Variants in LINGO2 observed in about 807,000 individuals in gnomAD.
LINGO2 encodes leucine rich repeat and Ig domain containing 2, also known as leucine-rich repeat and immunoglobulin-like domain-containing nogo receptor-interacting protein 2.
LINGO2 carries 14 observed loss-of-function variants against 30.6 expected under a neutral mutation model. The observed-to-expected ratio is 0.46, with a 90% CI of 0.30 to 0.72. LINGO2 has a LOEUF of 0.72. LINGO2 is among the 30% of genes least tolerant of loss of function. The pLI is 0.07. For missense variants in LINGO2, 729 were observed against 751.7 expected (o/e 0.97, Z 0.35); for synonymous variants, 317 against 288.5 (o/e 1.10, Z -1.00).
intron 5 of LINGO2, among the ~76,000 whole-genome samples, chr9:27,987,621 T>C (rs1169778847): frequency 2.0e-5 from 3 of 151,932 alleles, no homozygotes; most frequent in Non-Finnish European, 4.4e-5. Flanking sequence ...CATCTCACTA[T>C]GGTCAACTAT....
chr9:27,944,023 C>T (rs957312888), downstream of LINGO2: 17 of 152,060 alleles, frequency 1.1e-4, no homozygotes, highest in Admixed American at 6.5e-5. Context: ...AACATCAGCC[C>T]CAATCCTATT....
At chr9:28,362,237 C>T (rs887873960) in intron 3 of LINGO2, among the ~76,000 whole-genome samples, 8 of 150,214 alleles carry the variant, frequency 5.3e-5, no homozygotes, top group Non-Finnish European at 7.4e-5. Context: ...TGTGCGCATG[C>T]GCATGTGTGT....
At chr9:29,197,826 T>C in the LINGO2 span, among the ~76,000 whole-genome samples, 1 of 152,084 alleles carries the variant, frequency 6.6e-6, no homozygotes, top group Non-Finnish European at 1.5e-5. Flanking sequence ...GTACAGTAAC[T>C]GACAGCAACA....
At chr9:28,985,934 G>A in the LINGO2 span, among the ~76,000 whole-genome samples, 1 of 152,022 alleles carries the variant, frequency 6.6e-6, no homozygotes, top group Non-Finnish European at 1.5e-5. Flanking sequence ...AAAAGTTACT[G>A]CCCAGACCAA....
At chr9:28,861,609 A>C in the LINGO2 span, among the ~76,000 whole-genome samples, 56 of 151,632 alleles carry the variant, frequency 3.7e-4, 1 homozygote, top group Middle Eastern at 6.9e-3. Flanking sequence ...AAACAAAATA[A>C]AATAAATTAG....
the LINGO2 span, among the ~76,000 whole-genome samples, chr9:29,030,870 G>A: frequency 6.6e-6 from 1 of 151,990 alleles, no homozygotes; most frequent in African/African-American, 2.4e-5. Context: ...ACTGAGATTT[G>A]CATTTTTAAA....
intron 4 of LINGO2, among the ~76,000 whole-genome samples, chr9:28,089,554 C>T (rs1242199431): frequency 1.3e-5 from 2 of 152,126 alleles, no homozygotes; most frequent in Non-Finnish European, 2.9e-5. Flanking sequence ...CTCTGGGACA[C>T]ATTTAAAGCA....
At chr9:28,155,533 C>A (rs766778315) in intron 4 of LINGO2, among the ~76,000 whole-genome samples, 24 of 152,048 alleles carry the variant, frequency 1.6e-4, no homozygotes, top group Non-Finnish European at 3.1e-4. Context: ...TAAGATATGC[C>A]CAAGATACGT....
chr9:28,100,826 G>A (rs1826393041), intron 4 of LINGO2, among the ~76,000 whole-genome samples: 1 of 152,062 alleles, frequency 6.6e-6, no homozygotes, highest in Non-Finnish European at 1.5e-5. Context: ...TTGATGAATT[G>A]ACTGGGAATG....
the LINGO2 span, among the ~76,000 whole-genome samples, chr9:29,105,883 T>A: frequency 6.6e-6 from 1 of 152,036 alleles, no homozygotes; most frequent in Non-Finnish European, 1.5e-5. Context: ...CAGTCCTACA[T>A]CCATAGTGAA....
At chr9:28,107,256 A>G (rs1194019902) in intron 4 of LINGO2, among the ~76,000 whole-genome samples, 1 of 152,152 alleles carries the variant, frequency 6.6e-6, no homozygotes, top group Non-Finnish European at 1.5e-5. Flanking sequence ...CAGAAATCAT[A>G]TTTGTTTTGG....
chr9:29,135,467 A>G, the LINGO2 span, among the ~76,000 whole-genome samples: 1 of 151,616 alleles, frequency 6.6e-6, no homozygotes, highest in Non-Finnish European at 1.5e-5. Context: ...CTGAGGCAGG[A>G]GAATTGCTTG....
chr9:28,806,764 T>A, the LINGO2 span, among the ~76,000 whole-genome samples: 1 of 152,122 alleles, frequency 6.6e-6, no homozygotes, highest in Non-Finnish European at 1.5e-5. Flanking sequence ...ACTAGTTTCA[T>A]TTTTACATAA....
At chr9:28,507,147 AT>A (rs1440906047) in intron 1 of LINGO2, among the ~76,000 whole-genome samples, 27 of 151,900 alleles carry the variant, frequency 1.8e-4, no homozygotes, top group South Asian at 6.2e-4. Flanking sequence ...ACTCTCGCTG[AT>A]TGAGGCTTTT....
intron 4 of LINGO2, among the ~76,000 whole-genome samples, chr9:28,039,502 A>AAC (rs1824101216): frequency 6.6e-6 from 1 of 152,142 alleles, no homozygotes; most frequent in Admixed American, 6.6e-5. Flanking sequence ...GGATGAGTGT[A>AAC]ACAGGTGTGT....
At chr9:28,241,287 A>G (rs982649802) in intron 4 of LINGO2, among the ~76,000 whole-genome samples, 1 of 48,358 alleles carries the variant, frequency 2.1e-5, no homozygotes, top group Non-Finnish European at 3.6e-5. Flanking sequence ...AAAAAAAAAA[A>G]AAAAAGAAAA....
the LINGO2 span, among the ~76,000 whole-genome samples, chr9:28,732,824 A>G: frequency 3.3e-5 from 5 of 151,354 alleles, no homozygotes; most frequent in African/African-American, 1.2e-4. Context: ...GAAATAAAAC[A>G]ATCTACACAT....
At chr9:28,467,969 C>T (rs1039060088) in intron 2 of LINGO2, among the ~76,000 whole-genome samples, 1 of 152,096 alleles carries the variant, frequency 6.6e-6, no homozygotes, top group African/African-American at 2.4e-5. Flanking sequence ...TATTGTATTA[C>T]ATTCACAATG....
At chr9:28,300,668 T>G (rs993458146) in intron 3 of LINGO2, among the ~76,000 whole-genome samples, 7 of 152,128 alleles carry the variant, frequency 4.6e-5, no homozygotes, top group African/African-American at 9.7e-5. Flanking sequence ...TCTTTTTTCT[T>G]CCTCCCTTCC....
Sources: gnomAD v4.1 joint callset for allele counts (sites outside exome capture counted in the v4.1 genomes callset) on GRCh38, gnomAD v4.1.1 for gene constraint, MANE v1.5 for transcripts, NCBI Gene and HGNC (gene_info 2026-07-23, HGNC 2026-07-21) for gene names.